TTC28: variants seen among roughly 807,000 people sequenced by gnomAD.
The protein encoded by TTC28 is tetratricopeptide repeat domain 28, also known as tetratricopeptide repeat protein 28.
In TTC28, 61 loss-of-function variants were observed where a neutral mutation model predicts 198.0. The ratio of observed to expected loss-of-function variants is 0.31; its 90% CI spans 0.25 to 0.38. The LOEUF (loss-of-function observed/expected upper bound fraction) is 0.38, where lower values mean the gene tolerates loss of function less well. Among genes scored for constraint, TTC28 ranks in the 10% least tolerant of loss-of-function variants. TTC28 has a pLI of 1.00. For missense variants in TTC28, 2,678 were observed against 3,164.0 expected (o/e 0.85, Z 3.69); for synonymous variants, 1,171 against 1,297.8 (o/e 0.90, Z 2.10).
At position 28,108,254 on chromosome 22, in the gene TTC28, C is replaced by T. The variant is rs1436989941; in HGVS notation, c.1591G>A (p.Asp531Asn). The change falls in exon 7 of 23, where the codon GAC becomes AAC. Residue 531 changes from aspartate (D) to asparagine (N), a missense_variant. Asp to Asn is a conservative substitution (Grantham distance 23). This residue lies in a region of TTC28 where 775 missense variants were observed against 845.9 expected (regional missense o/e 0.92). Coordinates refer to ENST00000397906, the MANE Select transcript of TTC28 (RefSeq NM_001145418.2). ...TGCCGATGGTATTTGACCGCCTGGT[C>T]GTACATGCCCAGGGCATTGTAGGCA... Reference protein sequence around the residue: ...GNAYNALGMYDQAVKYHRQEL... With the variant: ...GNAYNALGMYNQAVKYHRQEL... 6 of 1,550,518 alleles carry T rather than the reference C, an allele frequency of 3.9e-6. No homozygotes were observed. Among genetic ancestry groups the T allele is most frequent in the East Asian group, 2.4e-5 (1 of 40,858 alleles).
intron 2 of TTC28, among the ~76,000 whole-genome samples, chr22:28,474,779 TAA>T (rs1221659534): frequency 6.6e-6 from 1 of 152,144 alleles, no homozygotes; most frequent in Non-Finnish European, 1.5e-5. Flanking sequence ...GAGCTTGCAT[TAA>T]GTTTTATTGT....
intron 1 of TTC28, among the ~76,000 whole-genome samples, chr22:28,632,047 A>G (rs1291089800): frequency 6.6e-6 from 1 of 152,102 alleles, no homozygotes; most frequent in Non-Finnish European, 1.5e-5. Flanking sequence ...AGGCCAACAT[A>G]TACAAAGAAA....
intron 5 of TTC28, among the ~76,000 whole-genome samples, chr22:28,177,291 AAAC>A (rs2147096196): frequency 6.6e-6 from 1 of 152,344 alleles, no homozygotes; most frequent in East Asian, 1.9e-4. Flanking sequence ...TGGCAAACTA[AAAC>A]AACAATGAGA....
intron 6 of TTC28, among the ~76,000 whole-genome samples, chr22:28,141,530 T>C (rs1199349942): frequency 1.3e-5 from 2 of 152,204 alleles, no homozygotes; most frequent in Non-Finnish European, 1.5e-5. Flanking sequence ...CATTATGTCA[T>C]AATTCTTTCA....
intron 6 of TTC28, among the ~76,000 whole-genome samples, chr22:28,158,044 T>C (rs934036207): frequency 2.0e-5 from 3 of 151,816 alleles, no homozygotes; most frequent in Non-Finnish European, 4.4e-5. Context: ...AAAAAACCAC[T>C]AGAACTGATA....
At chr22:28,469,875 C>T (rs749203064) in intron 2 of TTC28, among the ~76,000 whole-genome samples, 2 of 152,048 alleles carry the variant, frequency 1.3e-5, no homozygotes, top group Non-Finnish European at 2.9e-5. Context: ...CACTCTGCTG[C>T]CCAGGCTGGA....
chr22:28,010,884 C>G, intron 14 of TTC28, among the ~76,000 whole-genome samples: 1 of 152,218 alleles, frequency 6.6e-6, no homozygotes, highest in East Asian at 1.9e-4. Context: ...GCTTTGGACC[C>G]CATACCATTC....
chr22:28,283,431 A>C (rs2044622833), intron 5 of TTC28, among the ~76,000 whole-genome samples: 1 of 152,150 alleles, frequency 6.6e-6, no homozygotes, highest in African/African-American at 2.4e-5. Flanking sequence ...GTCTGCAAAA[A>C]GGTCCAAGAA....
chr22:28,273,237 TATACAATG>T (rs1224143290), intron 5 of TTC28, among the ~76,000 whole-genome samples: 1 of 152,188 alleles, frequency 6.6e-6, no homozygotes, highest in Admixed American at 6.5e-5. Context: ...ACATATTTTA[TATACAATG>T]GTCAACATTC....
At chr22:28,291,271 A>T (rs1184376400) in intron 5 of TTC28, among the ~76,000 whole-genome samples, 1 of 152,168 alleles carries the variant, frequency 6.6e-6, no homozygotes, top group Non-Finnish European at 1.5e-5. Context: ...GGGCAATAAT[A>T]ATTAAAACTG....
intron 5 of TTC28, among the ~76,000 whole-genome samples, chr22:28,281,794 A>C (rs560677115): frequency 2.6e-4 from 39 of 152,230 alleles, no homozygotes; most frequent in Non-Finnish European, 4.7e-4. Flanking sequence ...CAGCAGGTGA[A>C]ATCTCTATTC....
chr22:28,123,207 G>A (rs1942831478), intron 6 of TTC28, among the ~76,000 whole-genome samples: 1 of 151,614 alleles, frequency 6.6e-6, no homozygotes, highest in Non-Finnish European at 1.5e-5. Context: ...CTTTCCTTCT[G>A]TATTCTACTG....
intron 6 of TTC28, among the ~76,000 whole-genome samples, chr22:28,160,069 G>T (rs1160341613): frequency 6.6e-6 from 1 of 152,156 alleles, no homozygotes; most frequent in Non-Finnish European, 1.5e-5. Context: ...GAAGGGTAGT[G>T]GGGGCACTGC....
chr22:27,987,709 C>CA lies in TTC28; in HGVS notation c.5707+2168dup, dbSNP rs561753372. Among the ~76,000 whole-genome samples the CA allele has an allele frequency of 2.3e-3, 334 of 144,570 alleles. 1 individual carries two copies. Among genetic ancestry groups the CA allele is most frequent in the African/African-American group, 6.9e-3 (273 of 39,646 alleles). The allele number at this position is 144,570 out of a possible 152,430, so 94.8% of individuals were successfully genotyped here. On this transcript the variant is annotated intron_variant, in intron 21 of 22. Transcript: ENST00000397906. ...GGGTAATAGAGTAAGACCCTGTCTC[C>CA]AAAAAAAAAAAGGTTGTGGTTGTGG...
At chr22:28,604,297 T>TTATATATATATATATATATATA (rs35077140) in intron 2 of TTC28, among the ~76,000 whole-genome samples, 38 of 114,082 alleles carry the variant, frequency 3.3e-4, no homozygotes, top group Admixed American at 5.3e-4. Flanking sequence ...AAAAAAAAAA[T>TTATATATATATATATATATATA]TATATATATA....
At chr22:28,262,346 C>T (rs939221317) in intron 5 of TTC28, among the ~76,000 whole-genome samples, 1 of 152,166 alleles carries the variant, frequency 6.6e-6, no homozygotes, top group African/African-American at 2.4e-5. Flanking sequence ...CAGCTACTGA[C>T]TTTATAAATT....
intron 2 of TTC28, among the ~76,000 whole-genome samples, chr22:28,553,406 G>C (rs1170186662): frequency 7.1e-6 from 1 of 140,738 alleles, no homozygotes; most frequent in Non-Finnish European, 1.5e-5. Context: ...GCCGCCCATC[G>C]TCTGAGATGT....
At chr22:28,256,624 A>G (rs1418912272) in intron 5 of TTC28, among the ~76,000 whole-genome samples, 1 of 152,192 alleles carries the variant, frequency 6.6e-6, no homozygotes, top group Non-Finnish European at 1.5e-5. Context: ...AAAGCAATTC[A>G]GGGTAAAAAG....
intron 2 of TTC28, among the ~76,000 whole-genome samples, chr22:28,474,646 T>C (rs2048138059): frequency 6.6e-6 from 1 of 152,188 alleles, no homozygotes; most frequent in Non-Finnish European, 1.5e-5. Context: ...TGCTGCAAAC[T>C]GACTACATCT....
Sources: gnomAD v4.1 joint callset for allele counts (sites outside exome capture counted in the v4.1 genomes callset) on GRCh38, gnomAD v4.1.1 for gene constraint, gnomAD v4.1.1 regional missense constraint, MANE v1.5 for transcripts, NCBI Gene and HGNC (gene_info 2026-07-23, HGNC 2026-07-21) for gene names.